The following VANGL1 variants were observed in gnomAD, a reference collection of about 807,000 sequenced individuals.
The protein encoded by VANGL1 is VANGL planar cell polarity protein 1.
VANGL1 carries 18 observed loss-of-function variants against 48.4 expected under a neutral mutation model. The observed-to-expected ratio is 0.37, with a 90% CI of 0.26 to 0.55. The LOEUF (loss-of-function observed/expected upper bound fraction) is 0.55. VANGL1 is among the 20% of genes least tolerant of loss of function. The pLI is 0.81. For missense variants in VANGL1, 667 were observed against 675.8 expected (o/e 0.99, Z 0.14); for synonymous variants, 257 against 261.8 (o/e 0.98, Z 0.18).
At chr1:115,677,294 C>A (rs1653204257) in intron 4 of VANGL1, among the ~76,000 whole-genome samples, 1 of 152,234 alleles carries the variant, frequency 6.6e-6, no homozygotes, top group Non-Finnish European at 1.5e-5. Context: ...CCATGGCAGT[C>A]ATGTAACAGT....
intron 1 of VANGL1, among the ~76,000 whole-genome samples, chr1:115,649,630 T>G (rs1194335662): frequency 6.6e-6 from 1 of 152,222 alleles, no homozygotes; most frequent in Non-Finnish European, 1.5e-5. Flanking sequence ...GTTAGCTCAT[T>G]TGGTCTTCAC....
rs10667490 is a variant in VANGL1 at position 115,686,370 on chromosome 1, C to CAAAA, written c.1314+860_1314+863dup. Among the ~76,000 whole-genome samples the CAAAA allele has an allele frequency of 4.4e-3, 465 of 104,850 alleles. 7 individuals carry two copies. The highest frequency in any genetic ancestry group is 0.015 in the African/African-American group (429 of 28,186). 68.8% of individuals were successfully genotyped at this position (104,850 alleles called of 152,430 possible). ...CTGGGCGACAGAGCGAGACTCCGTC[C>CAAAA]AAAAAAAAAAAAAAAAAAAATGCCA... On this transcript the variant is annotated intron_variant, in intron 7 of 7. Coordinates refer to ENST00000355485, the MANE Select transcript of VANGL1 (RefSeq NM_138959.3).
rs1653954219 is a variant in VANGL1, at chr1:115,694,301, TG to T, written c.*2923del. 6.6e-6 allele frequency: 1 copy of T among 152,234 alleles called. No homozygotes were observed. The highest frequency in any genetic ancestry group is 1.5e-5 in the Non-Finnish European group (1 of 68,040). The allele number at this position is 152,234 out of a possible 1,614,324, so 9.4% of individuals were successfully genotyped here. ...ATCATCACCTCCCTTCCCCCGCCTC[TG>T]TTCTTGCCTTTTGACATCTACATGG... On this transcript the variant is annotated 3_prime_UTR_variant, in exon 8 of 8. Transcript: ENST00000355485.
rs140931431 is a variant in VANGL1 at position 115,694,788 on chromosome 1, T to C, written c.*3409T>C. 80 of 152,344 alleles carry C rather than the reference T, an allele frequency of 5.3e-4. No individual in the cohort carries two copies. The highest frequency in any genetic ancestry group is 1.9e-3 in the African/African-American group (78 of 41,572). 9.4% of individuals were successfully genotyped at this position (152,344 alleles called of 1,614,324 possible). ...ATATGTGAGCATTTCTCTGAGTGTA[T>C]TACCAGACGGATAGCACATTTATAT... On this transcript the variant is annotated 3_prime_UTR_variant, in exon 8 of 8. Transcript: ENST00000355485.
rs1653968429 is a variant in VANGL1, at chr1:115,694,625, CCTACGTA to C, written c.*3249_*3255del. On this transcript the variant is annotated 3_prime_UTR_variant, in exon 8 of 8. Coordinates refer to ENST00000355485, the MANE Select transcript of VANGL1 (RefSeq NM_138959.3). ...GAAATTGATTACCTTGCCACTCCAA[CCTACGTA>C]CTGAGTGAGTGCTCCAGCCACTCAG... 1 of 152,214 alleles carries C rather than the reference CCTACGTA, an allele frequency of 6.6e-6. No individual in the cohort carries two copies. The highest frequency in any genetic ancestry group is 2.1e-4 in the South Asian group (1 of 4,830). 9.4% of individuals were successfully genotyped at this position (152,214 alleles called of 1,614,324 possible).
At chr1:115,689,413 C>T (rs561131302) in intron 7 of VANGL1, among the ~76,000 whole-genome samples, 2 of 136,208 alleles carry the variant, frequency 1.5e-5, no homozygotes, top group Non-Finnish European at 3.2e-5. Context: ...AGGTCAATCA[C>T]CTGAGGTCAG....
chr1:115,686,262 CTATT>C (rs925166138), intron 7 of VANGL1, among the ~76,000 whole-genome samples: 3 of 149,306 alleles, frequency 2.0e-5, no homozygotes, highest in Admixed American at 1.4e-4. Context: ...CTAAATAGCT[CTATT>C]TATTGGTAAA....
intron 1 of VANGL1, 115 bp from the exon 2 acceptor site, chr1:115,651,162 C>G (rs529259581): frequency 4.0e-6 from 2 of 503,918 alleles, no homozygotes; most frequent in Admixed American, 3.3e-5. Context: ...CACCCTCACT[C>G]GCTTGTTCCA....
rs960453479 is a variant in VANGL1, at chr1:115,673,594, CT to C, written c.813-8747del. Among the ~76,000 whole-genome samples the C allele has an allele frequency of 5.8e-3, 632 of 108,588 alleles. 5 individuals are homozygous for C. Among genetic ancestry groups the C allele is most frequent in the South Asian group, 0.023 (80 of 3,426 alleles). 71.2% of individuals were successfully genotyped at this position (108,588 alleles called of 152,430 possible). A position where few individuals can be genotyped will look rare whatever the true frequency, so the allele number is the denominator to read the frequency against. ...CTCTCTGTGGGTCTCTGTATGTCCT[CT>C]TTTTTTTTTTTTTTTTTTTTTTGAG... On this transcript the variant is annotated intron_variant, in intron 4 of 7. Transcript: ENST00000355485.
rs1420301183 is a variant in VANGL1 at position 115,695,330 on chromosome 1, T to C, written c.*3951T>C. On this transcript the variant is annotated 3_prime_UTR_variant, in exon 8 of 8. Transcript: ENST00000355485. ...TCCTGCAGCAGAGACCCTGCGATTG[T>C]AAAGTGATTTAAGTATTTCTGGGTA... 2 of 152,656 alleles carry C rather than the reference T, an allele frequency of 1.3e-5. No homozygotes were observed. The highest frequency in any genetic ancestry group is 1.3e-4 in the Admixed American group (2 of 15,282). 9.5% of individuals were successfully genotyped at this position (152,656 alleles called of 1,614,324 possible). A position where few individuals can be genotyped will look rare whatever the true frequency, so the allele number is the denominator to read the frequency against.
rs12402914 is a variant in VANGL1, at chr1:115,690,789, C to T, written c.1315-330C>T. Among the ~76,000 whole-genome samples the T allele has an allele frequency of 0.17, 26,594 of 152,206 alleles. 2,699 individuals are homozygous for T. The highest frequency in any genetic ancestry group is 0.26 in the South Asian group (1,276 of 4,816). ...GAGAAACACATCAAGTAGGACCATA[C>T]CCTAAGAATGGAGTGATGCAGCCAT... On this transcript the variant is annotated intron_variant, in intron 7 of 7. Transcript: ENST00000355485.
Position 115,651,451 on chromosome 1 carries a change from A to G in VANGL1, c.38A>G (p.Tyr13Cys). 6.2e-7 allele frequency: 1 copy of G among 1,614,058 alleles called. No homozygotes were observed. Among genetic ancestry groups the G allele is most frequent in the Non-Finnish European group, 8.5e-7 (1 of 1,180,010 alleles). The change falls in exon 2 of 8, where the codon TAT becomes TGT. Residue 13 changes from tyrosine to cysteine, a missense_variant. Physicochemically the swap from Tyr to Cys is radical, Grantham distance 194. Transcript: ENST00000355485. Reference sequence around the variant, plus strand: ...TCCACTTATTCTGGATATTCTTACTATTCAAGTCATTCGAAAAAATCTCAC... The same window carrying G: ...TCCACTTATTCTGGATATTCTTACTGTTCAAGTCATTCGAAAAAATCTCAC... Reference protein sequence around the residue: ...TESTYSGYSYYSSHSKKSHRQ... With the variant: ...TESTYSGYSYCSSHSKKSHRQ...
chr1:115,648,686 A>G (rs1652028375), intron 1 of VANGL1, among the ~76,000 whole-genome samples: 1 of 152,186 alleles, frequency 6.6e-6, no homozygotes, highest in African/African-American at 2.4e-5. Context: ...CCTCATTTTT[A>G]TGGGGCAGGG....
At chr1:115,688,973 A>T (rs1306868872) in intron 7 of VANGL1, among the ~76,000 whole-genome samples, 1 of 134,262 alleles carries the variant, frequency 7.4e-6, no homozygotes, top group African/African-American at 2.8e-5. Flanking sequence ...TTGTATTTTT[A>T]GTAGAGACGG....
chr1:115,696,445 C>G lies in VANGL1; in HGVS notation c.*5066C>G, dbSNP rs751663783. On this transcript the variant is annotated 3_prime_UTR_variant, in exon 8 of 8. Coordinates refer to ENST00000355485, the MANE Select transcript of VANGL1 (RefSeq NM_138959.3). Reference sequence around the variant, plus strand: ...ACAGGACTCAGAAAACCATTTTTCTCTGTTCCCATATGTAGTAAGTTTTGA... The same window carrying G: ...ACAGGACTCAGAAAACCATTTTTCTGTGTTCCCATATGTAGTAAGTTTTGA... 3 of 152,212 alleles carry G rather than the reference C, an allele frequency of 2.0e-5. No homozygotes were observed. Among genetic ancestry groups the G allele is most frequent in the Non-Finnish European group, 4.4e-5 (3 of 68,040 alleles). The allele number at this position is 152,212 out of a possible 1,614,324, so 9.4% of individuals were successfully genotyped here.
At chr1:115,662,802 T>C (rs76454635) in intron 3 of VANGL1, among the ~76,000 whole-genome samples, 1 of 151,716 alleles carries the variant, frequency 6.6e-6, no homozygotes, top group African/African-American at 2.4e-5. Context: ...TTTTTTTTTT[T>C]TTGAGACGGA....
Position 115,681,698 on chromosome 1 carries a change from G to T in VANGL1, c.813-666G>T, listed in dbSNP as rs181765517. 1.8e-4 allele frequency among the ~76,000 whole-genome samples: 27 copies of T among 152,096 alleles called. No individual in the cohort carries two copies. The East Asian group carries it at 2.9e-3, about 16-fold the overall frequency. On this transcript the variant is annotated intron_variant, in intron 4 of 7. Transcript: ENST00000355485. The stretch of plus-strand genomic sequence containing the variant: ...ATTTTTGTATTTTTAGTAGAGACGG[G>T]GTTTCATCATATTGGTTAGGCTGGT...
intron 4 of VANGL1, among the ~76,000 whole-genome samples, chr1:115,681,525 A>G (rs1436280982): frequency 7.3e-5 from 3 of 40,836 alleles, no homozygotes; most frequent in Admixed American, 2.5e-4. Flanking sequence ...TTTTTTTTTG[A>G]GACTGAATTT....
chr1:115,654,154 A>G (rs1001514228), intron 2 of VANGL1, among the ~76,000 whole-genome samples: 3 of 152,094 alleles, frequency 2.0e-5, no homozygotes, highest in African/African-American at 7.2e-5. Flanking sequence ...TTTGTTGGGA[A>G]CTTGAATGGA....
Sources: gnomAD v4.1 joint callset for allele counts (sites outside exome capture counted in the v4.1 genomes callset) on GRCh38, gnomAD v4.1.1 for gene constraint, MANE v1.5 for transcripts, NCBI Gene and HGNC (gene_info 2026-07-23, HGNC 2026-07-21) for gene names.